Variants in F10 observed in about 807,000 individuals in gnomAD.
F10 encodes Stuart-Prower factor.
In F10, 29 loss-of-function variants were observed where a neutral mutation model predicts 37.1. The ratio of observed to expected loss-of-function variants is 0.78; its 90% confidence interval spans 0.58 to 1.07. F10 has a LOEUF of 1.07. Ranked by LOEUF, F10 falls within the 50% of genes least tolerant of loss-of-function variation. The probability of loss-of-function intolerance (pLI) is 0.00; values close to 1 mark genes in which losing one functional copy is unlikely to be tolerated. For synonymous variants in F10, 262 were observed against 268.6 expected (o/e 0.98, Z 0.24); for missense variants, 539 against 667.9 (o/e 0.81, Z 2.13).
At chr13:113,130,017 T>C (rs2036415278) in intron 2 of F10, 2 of 331,598 alleles carry the variant, frequency 6.0e-6, no homozygotes. Context: ...TTGGCCTCCG[T>C]AGTCGCTGAG....
At chr13:113,134,966 C>T (rs886707057) in intron 2 of F10, among the ~76,000 whole-genome samples, 4 of 152,086 alleles carry the variant, frequency 2.6e-5, no homozygotes, top group East Asian at 1.9e-4. Flanking sequence ...TTCGGCCGGG[C>T]GCGGTGGCTC....
chr13:113,122,838 A>T lies in F10; in HGVS notation c.-18A>T, dbSNP rs1410890225. The T allele has an allele frequency of 6.2e-7, 1 of 1,608,938 alleles. No individual in the cohort carries two copies. Among genetic ancestry groups the T allele is most frequent in the Non-Finnish European group, 8.5e-7 (1 of 1,179,996 alleles). Reference sequence around the variant, plus strand: ...AGCCTGTCCCAGTGAGGACAGGGACACAGTACTCGGCCACACCATGGGGCG... The same window carrying T: ...AGCCTGTCCCAGTGAGGACAGGGACTCAGTACTCGGCCACACCATGGGGCG... On this transcript the variant is annotated 5_prime_UTR_variant, in exon 1 of 8. Coordinates refer to ENST00000375559, the MANE Select transcript of F10 (RefSeq NM_000504.4).
chr13:113,125,379 T>C (rs905925315), intron 1 of F10, among the ~76,000 whole-genome samples: 6 of 152,220 alleles, frequency 3.9e-5, no homozygotes, highest in Middle Eastern at 3.2e-3. Flanking sequence ...CTGGTAAAAC[T>C]TGCTCAAATG....
chr13:113,138,722 A>G (rs1041853591), intron 3 of F10, among the ~76,000 whole-genome samples: 2 of 152,238 alleles, frequency 1.3e-5, no homozygotes, highest in Non-Finnish European at 1.5e-5. Flanking sequence ...TCATTTGAGG[A>G]TACCAAATTC....
chr13:113,127,648 A>AT (rs922985525), intron 1 of F10, among the ~76,000 whole-genome samples: 19 of 151,680 alleles, frequency 1.3e-4, no homozygotes, highest in African/African-American at 2.9e-4. Context: ...TCAACTCAGT[A>AT]TTTTTTTTTA....
intron 4 of F10, chr13:113,140,424 G>T: frequency 2.3e-6 from 1 of 437,326 alleles, no homozygotes; most frequent in South Asian, 1.7e-5. Flanking sequence ...GATTACTTTT[G>T]AGTTTTCCCT....
intron 2 of F10, among the ~76,000 whole-genome samples, chr13:113,133,073 G>A (rs2036447958): frequency 6.6e-6 from 1 of 152,122 alleles, no homozygotes; most frequent in African/African-American, 2.4e-5. Context: ...CATAAAATCT[G>A]TGGGATGCAG....
At chr13:113,129,219 C>G (rs2036400917) in intron 1 of F10, among the ~76,000 whole-genome samples, 1 of 152,210 alleles carries the variant, frequency 6.6e-6, no homozygotes, top group South Asian at 2.1e-4. Flanking sequence ...GTGGGACCTG[C>G]TTCCCCTCAT....
chr13:113,148,865 C>G (rs371444611), intron 7 of F10, 51 bp from the exon 8 acceptor site: 2 of 1,589,076 alleles, frequency 1.3e-6, no homozygotes, highest in Non-Finnish European at 1.7e-6. Flanking sequence ...AACGGATGTG[C>G]GAGAGCATGT....
rs138095322 is a variant in F10 at position 113,126,737 on chromosome 13, A to G, written c.71-2715A>G. ...GGCAGAACGCGGTCTTCAGACCCCA[A>G]CTGGAGCCCAGGAGGCCCGCGAGTC... is the stretch of plus-strand genomic sequence containing the variant. On this transcript the variant is annotated intron_variant, in intron 1 of 7. Transcript: ENST00000375559. 9.3e-4 allele frequency among the ~76,000 whole-genome samples: 142 copies of G among 152,356 alleles called. 1 individual carries two copies. Among genetic ancestry groups the G allele is most frequent in the African/African-American group, 3.3e-3 (139 of 41,586 alleles).
chr13:113,123,056 A>T, intron 1 of F10, 131 bp downstream of exon 1: 1 of 1,130,362 alleles, frequency 8.8e-7, no homozygotes, highest in Non-Finnish European at 1.3e-6. Context: ...CTGGGCTCGG[A>T]TGGCTGGGCT....
chr13:113,129,610 A>G lies in F10; in HGVS notation c.229A>G (p.Thr77Ala). Residue 77 changes from threonine (T) to alanine (A), a missense_variant and splice_region_variant, in exon 2 of 8, where the codon ACG becomes GCG. Thr to Ala is a moderately conservative substitution (Grantham distance 58). Transcript: ENST00000375559. ...CGAGGTCTTTGAGGACAGCGACAAGACGGTAAGGGCTGGGGATAGCCTGGC... is the reference window on the plus strand; with the variant it reads ...CGAGGTCTTTGAGGACAGCGACAAGGCGGTAAGGGCTGGGGATAGCCTGGC... ...AREVFEDSDKTNEFWNKYKDG... is the reference protein window; with the variant it reads ...AREVFEDSDKANEFWNKYKDG... 6.2e-7 allele frequency: 1 copy of G among 1,614,090 alleles called. No individual in the cohort carries two copies.
chr13:113,134,915 T>C (rs3211755), intron 2 of F10, among the ~76,000 whole-genome samples: 3,887 of 152,152 alleles, frequency 0.026, 169 homozygotes, highest in African/African-American at 0.088. Context: ...ACACATACAG[T>C]GTTCATGGAT....
At chr13:113,148,343 AAAATAT>A (rs1566922242) in intron 7 of F10, among the ~76,000 whole-genome samples, 1 of 99,204 alleles carries the variant, frequency 1.0e-5, no homozygotes, top group East Asian at 5.0e-4. Context: ...AAAAAAAAAA[AAAATAT>A]ATATATATAT....
At chr13:113,133,326 C>G (rs1222173567) in intron 2 of F10, among the ~76,000 whole-genome samples, 1 of 151,712 alleles carries the variant, frequency 6.6e-6, no homozygotes, top group Non-Finnish European at 1.5e-5. Flanking sequence ...CAAACAAAAA[C>G]AAGAAAAAGG....
chr13:113,129,503 C>T lies in F10; in HGVS notation c.122C>T (p.Ala41Val), dbSNP rs2036406187. The stretch of plus-strand genomic sequence containing the variant: ...AACATCCTGGCGAGGGTCACGAGGG[C>T]CAATTCCTTTCTTGAAGAGATGAAG... ...ANNILARVTR[A>V]NSFLEEMKKG... Residue 41 changes from alanine to valine, a missense_variant, in exon 2 of 8, where the codon GCC (alanine) becomes GTC (valine). Physicochemically the swap from Ala to Val is moderately conservative, Grantham distance 64. Transcript: ENST00000375559. 11 of 1,614,104 alleles carry T rather than the reference C, an allele frequency of 6.8e-6. No homozygotes were observed. Among genetic ancestry groups the T allele is most frequent in the East Asian group, 2.2e-5 (1 of 44,878 alleles).
At chr13:113,140,825 G>A (rs1566919409) in intron 4 of F10, 94 bp from the exon 5 acceptor site, 3 of 1,596,518 alleles carry the variant, frequency 1.9e-6, no homozygotes, top group Non-Finnish European at 2.6e-6. Flanking sequence ...CCGCTTTGTG[G>A]CTGACAGGCA....
In F10 at chr13:113,144,183, G is replaced by A; in HGVS notation, c.747+88G>A. On this transcript the variant is annotated intron_variant, in intron 6 of 7. Coordinates refer to ENST00000375559, the MANE Select transcript of F10 (RefSeq NM_000504.4). This position sits in a 1 kb window ranked among gnomAD's most constrained non-coding sequence, Gnocchi z 6.4. ...GGAGGCCAGCCTGACACTTGGAATA[G>A]CAATCCGGGAAGGAACTGTTCCGAA... The A allele has an allele frequency of 1.3e-6, 2 of 1,590,484 alleles. No homozygotes were observed. The highest frequency in any genetic ancestry group is 2.2e-5 in the East Asian group (1 of 44,786).
At position 113,140,730 on chromosome 13, in the gene F10, C is replaced by T. The variant is rs1444716415; in HGVS notation, c.371-189C>T. The T allele has an allele frequency of 1.2e-5, 10 of 823,882 alleles. No homozygotes were observed. The Admixed American group carries it at 1.9e-4, about 16-fold the overall frequency. 51.0% of individuals were successfully genotyped at this position (823,882 alleles called of 1,614,324 possible). ...GCTTCTGGCTACACCGGGCACTGCA[C>T]CATGAGCTCCCCGTGACCCGTGAGG... On this transcript the variant is annotated intron_variant, in intron 4 of 7. Coordinates refer to ENST00000375559, the MANE Select transcript of F10 (RefSeq NM_000504.4).
Sources: gnomAD v4.1 joint callset for allele counts (sites outside exome capture counted in the v4.1 genomes callset) on GRCh38, gnomAD v4.1.1 for gene constraint, Gnocchi (gnomAD v3.1) non-coding constraint, MANE v1.5 for transcripts, NCBI Gene and HGNC (gene_info 2026-07-23, HGNC 2026-07-21) for gene names.